Variants in SIGLEC15 observed in about 807,000 individuals in gnomAD.
SIGLEC15 encodes sialic acid binding Ig like lectin 15.
A neutral mutation model predicts 26.2 loss-of-function variants in SIGLEC15; 31 were observed. The ratio of observed to expected loss-of-function variants is 1.18; its 90% CI spans 0.89 to 1.60. The LOEUF is 1.60. Among genes scored for constraint, SIGLEC15 ranks in the 40% most tolerant of loss-of-function variants. SIGLEC15 has a pLI of 0.00. For synonymous variants in SIGLEC15, 207 were observed against 221.9 expected, an observed-to-expected ratio of 0.93 and a Z score of 0.60; for missense variants, 501 against 488.4, an observed-to-expected ratio of 1.03 and a Z score of -0.24.
intron 4 of SIGLEC15, 60 bp from the exon 5 acceptor site, chr18:45,840,151 C>T (rs370574702): frequency 7.8e-5 from 124 of 1,591,114 alleles, no homozygotes; most frequent in African/African-American, 5.5e-4. Context: ...TGGGGGTGGG[C>T]GCACAGGCTG....
At chr18:45,828,950 GC>G (rs2048209470) in intron 1 of SIGLEC15, 1 of 268,482 alleles carries the variant, frequency 3.7e-6, no homozygotes, top group African/African-American at 2.3e-5. Flanking sequence ...GGTTTAATGA[GC>G]CAGGGCACTT....
At chr18:45,841,265 G>A (rs577091504) in intron 5 of SIGLEC15, among the ~76,000 whole-genome samples, 3 of 152,172 alleles carry the variant, frequency 2.0e-5, no homozygotes, top group African/African-American at 4.8e-5. Context: ...AGGTAGGAGC[G>A]GTGGAGTTCC....
intron 1 of SIGLEC15, among the ~76,000 whole-genome samples, chr18:45,826,804 C>T (rs1010789712): frequency 2.0e-5 from 3 of 152,170 alleles, no homozygotes; most frequent in African/African-American, 4.8e-5. Context: ...GAGTCCAGCT[C>T]GGGGCTGGTT....
intron 1 of SIGLEC15, among the ~76,000 whole-genome samples, chr18:45,830,490 A>T (rs546221466): frequency 6.6e-6 from 1 of 152,218 alleles, no homozygotes; most frequent in East Asian, 1.9e-4. Flanking sequence ...GAATTTCGCT[A>T]TGAAAGACCA....
chr18:45,833,471 C>T (rs1300974173), intron 1 of SIGLEC15, among the ~76,000 whole-genome samples: 1 of 152,024 alleles, frequency 6.6e-6, no homozygotes, highest in Non-Finnish European at 1.5e-5. Flanking sequence ...CATCACCATG[C>T]CTCACTTATT....
chr18:45,843,348 G>C lies in SIGLEC15; in HGVS notation c.*1161G>C, dbSNP rs2048341153. 1 of 152,272 alleles carries C rather than the reference G, an allele frequency of 6.6e-6. No homozygotes were observed. Among genetic ancestry groups the C allele is most frequent in the African/African-American group, 2.4e-5 (1 of 41,446 alleles). The allele number at this position is 152,272 out of a possible 1,614,324, so 9.4% of individuals were successfully genotyped here. ...TAGCTCCTGTGGTCCTTGGGGCTTA[G>C]GGAGAGGAGGGAGGCATGCCTGGGT... On this transcript the variant is annotated 3_prime_UTR_variant, in exon 6 of 6. Transcript: ENST00000389474.
chr18:45,837,860 T>A lies in SIGLEC15; in HGVS notation c.460T>A (p.Tyr154Asn). ...VEFAGDVHDR[Y>N]ESRHGVRLHV... The stretch of plus-strand genomic sequence containing the variant: ...GTTCGCCGGCGACGTCCATGACCGC[T>A]ACGAGAGCCGCCACGGCGTCCGGCT... The change falls in exon 3 of 6, where the codon TAC (tyrosine) becomes AAC (asparagine). Residue 154 changes from tyrosine to asparagine, a missense_variant. Physicochemically the swap from Tyr to Asn is moderately radical, Grantham distance 143 (BLOSUM62 -2). Transcript: ENST00000389474. 1 of 1,535,342 alleles carries A rather than the reference T, an allele frequency of 6.5e-7. No homozygotes were observed. The highest frequency in any genetic ancestry group is 8.7e-7 in the Non-Finnish European group (1 of 1,151,896).
At chr18:45,840,435 C>T (rs559382780) in intron 5 of SIGLEC15, among the ~76,000 whole-genome samples, 194 bp downstream of exon 5, 1 of 152,266 alleles carries the variant, frequency 6.6e-6, no homozygotes, top group East Asian at 1.9e-4. Flanking sequence ...CTGGACAGAC[C>T]AAGCCTCGCT....
intron 1 of SIGLEC15, chr18:45,829,121 T>C (rs1404117407): frequency 1.3e-5 from 13 of 985,470 alleles, no homozygotes; most frequent in Non-Finnish European, 1.6e-5. Flanking sequence ...AGAGCAGCAC[T>C]CTGGGGTGGG....
chr18:45,842,027 C>A, intron 5 of SIGLEC15, 79 bp from the exon 6 acceptor site: 1 of 1,303,722 alleles, frequency 7.7e-7, no homozygotes, highest in Non-Finnish European at 1.1e-6. Flanking sequence ...CTCTTCTTGG[C>A]CCACTGCTGG....
intron 1 of SIGLEC15, chr18:45,829,039 G>A: frequency 1.0e-6 from 1 of 962,712 alleles, no homozygotes; most frequent in Non-Finnish European, 1.2e-6. Context: ...GGAGTGAAGG[G>A]AGCAGGGATC....
rs763369650 is a variant in SIGLEC15, at chr18:45,839,028, C to T, written c.807C>T (p.Gly269=). 78 of 1,574,730 alleles carry T rather than the reference C, an allele frequency of 5.0e-5. No homozygotes were observed. Among genetic ancestry groups the T allele is most frequent in the Non-Finnish European group, 6.4e-5 (75 of 1,168,768 alleles). ...CCTCGACGGTCGCCCTCCTGCTCGG[C>T]GCTCTCGGCTTCAAGGCGCTGCTGC... is the stretch of plus-strand genomic sequence containing the variant. The part of the protein sequence containing the change: ...SGASTVALLL[G]ALGFKALLLL... The change falls in exon 4 of 6, where the codon GGC becomes GGT. Residue 269 remains glycine, a synonymous_variant. Coordinates refer to ENST00000389474, the MANE Select transcript of SIGLEC15 (RefSeq NM_213602.3).
At position 45,842,105 on chromosome 18, in the gene SIGLEC15, G is replaced by C. The variant is rs768779184; in HGVS notation, c.906-1G>C. 1 of 1,614,134 alleles carries C rather than the reference G, an allele frequency of 6.2e-7. No individual in the cohort carries two copies. The highest frequency in any genetic ancestry group is 2.2e-5 in the East Asian group (1 of 44,874). On this transcript the variant is annotated splice_acceptor_variant, in intron 5 of 5. Transcript: ENST00000389474. LOFTEE classifies it high-confidence loss of function. ...ATCATTCAACTTTCTCCTGTCCACAGGTCCCAGGCCCAGGAGTCCAATTAT... is the reference window on the plus strand; with the variant it reads ...ATCATTCAACTTTCTCCTGTCCACACGTCCCAGGCCCAGGAGTCCAATTAT...
intron 1 of SIGLEC15, among the ~76,000 whole-genome samples, chr18:45,828,728 G>A (rs1422778866): frequency 6.6e-6 from 1 of 152,164 alleles, no homozygotes; most frequent in African/African-American, 2.4e-5. Context: ...CACCTCTCCC[G>A]CACCCTCCTG....
At chr18:45,837,364 C>G in intron 2 of SIGLEC15, 149 bp from the exon 3 acceptor site, 1 of 1,251,878 alleles carries the variant, frequency 8.0e-7, no homozygotes, top group Non-Finnish European at 1.1e-6. Flanking sequence ...GGTTCCGGCT[C>G]CCCTGGAAGT....
chr18:45,832,027 C>T (rs115632841), intron 1 of SIGLEC15, among the ~76,000 whole-genome samples: 55 of 152,356 alleles, frequency 3.6e-4, no homozygotes, highest in Middle Eastern at 3.4e-3. Context: ...CCGCCACGCC[C>T]GGCCCAACAT....
Position 45,842,112 on chromosome 18 carries a change from G to A in SIGLEC15, c.912G>A (p.Gln304=), listed in dbSNP as rs568882630. Residue 304 remains glutamine, a synonymous_variant, in exon 6 of 6, where the codon CAG becomes CAA. Coordinates refer to ENST00000389474, the MANE Select transcript of SIGLEC15 (RefSeq NM_213602.3). ...AACTTTCTCCTGTCCACAGGTCCCAGGCCCAGGAGTCCAATTATGAAAATT... is the reference window on the plus strand; with the variant it reads ...AACTTTCTCCTGTCCACAGGTCCCAAGCCCAGGAGTCCAATTATGAAAATT... ...LDTPDTPPRS[Q]AQESNYENLS... is the part of the protein sequence containing the mutation. The A allele has an allele frequency of 1.2e-6, 2 of 1,614,162 alleles. No individual in the cohort carries two copies. The highest frequency in any genetic ancestry group is 1.3e-5 in the African/African-American group (1 of 75,044).
intron 1 of SIGLEC15, among the ~76,000 whole-genome samples, chr18:45,830,583 CTTT>C (rs56404391): frequency 1.0e-4 from 10 of 96,700 alleles, no homozygotes; most frequent in Admixed American, 4.3e-4. Flanking sequence ...ATTTTTCTTT[CTTT>C]TTTTTTTTTT....
chr18:45,836,136 A>T (rs2048274522), intron 1 of SIGLEC15, among the ~76,000 whole-genome samples: 1 of 152,226 alleles, frequency 6.6e-6, no homozygotes. Flanking sequence ...ACTCCTGCCC[A>T]AGGAGCAAAT....
Sources: gnomAD v4.1 joint callset for allele counts (sites outside exome capture counted in the v4.1 genomes callset) on GRCh38, gnomAD v4.1.1 for gene constraint, MANE v1.5 for transcripts, NCBI Gene and HGNC (gene_info 2026-07-23, HGNC 2026-07-21) for gene names.